The following ROBO2 variants were observed in gnomAD, a reference collection of about 807,000 sequenced individuals.
ROBO2 encodes roundabout homolog 2.
ROBO2 carries 53 observed loss-of-function variants against 160.8 expected under a neutral mutation model. The observed-to-expected ratio is 0.33, with a 90% CI of 0.26 to 0.41. The LOEUF is 0.41. ROBO2 is among the 10% of genes least tolerant of loss of function. ROBO2 has a pLI of 1.00. For synonymous variants in ROBO2, 664 were observed against 611.7 expected (o/e 1.09, Z -1.26); for missense variants, 1,577 against 1,722.4 (o/e 0.92, Z 1.49).
At chr3:76,952,375 C>T (rs902266108) in intron 2 of ROBO2, among the ~76,000 whole-genome samples, 2 of 152,096 alleles carry the variant, frequency 1.3e-5, no homozygotes, top group African/African-American at 2.4e-5. Context: ...CTCCGCCTCC[C>T]GGGTTCAAGT....
intron 2 of ROBO2, among the ~76,000 whole-genome samples, chr3:76,345,355 A>C (rs1378000138): frequency 6.6e-6 from 1 of 151,226 alleles, no homozygotes; most frequent in Non-Finnish European, 1.5e-5. Flanking sequence ...AAAATAGGTG[A>C]GTATGAATGT....
intron 2 of ROBO2, among the ~76,000 whole-genome samples, chr3:76,095,883 A>G (rs976210039): frequency 2.6e-5 from 4 of 152,192 alleles, no homozygotes; most frequent in Admixed American, 6.6e-5. Flanking sequence ...TGTAAAATAT[A>G]TAATACTAAG....
intron 2 of ROBO2, among the ~76,000 whole-genome samples, chr3:76,263,411 C>T (rs1233478637): frequency 6.6e-6 from 1 of 152,170 alleles, no homozygotes; most frequent in South Asian, 2.1e-4. Flanking sequence ...AATGTAGGTA[C>T]AGAGTCTTGC....
At chr3:76,945,052 C>A (rs909897351) in intron 2 of ROBO2, among the ~76,000 whole-genome samples, 4 of 149,928 alleles carry the variant, frequency 2.7e-5, no homozygotes, top group Non-Finnish European at 5.9e-5. Flanking sequence ...CCACGCCCGG[C>A]TAATTTTTTG....
At chr3:77,162,482 A>T (rs1206338439) in intron 2 of ROBO2, among the ~76,000 whole-genome samples, 1 of 152,206 alleles carries the variant, frequency 6.6e-6, no homozygotes, top group East Asian at 1.9e-4. Flanking sequence ...TTTCAGGCAG[A>T]TAAACAACTG....
At chr3:76,070,980 A>G (rs1057397355) in intron 2 of ROBO2, among the ~76,000 whole-genome samples, 1 of 152,158 alleles carries the variant, frequency 6.6e-6, no homozygotes, top group African/African-American at 2.4e-5. Flanking sequence ...ATACTGTCTA[A>G]CCAAGGGTTG....
chr3:77,370,159 G>A (rs1003462247), intron 2 of ROBO2, among the ~76,000 whole-genome samples: 4 of 152,138 alleles, frequency 2.6e-5, no homozygotes, highest in African/African-American at 9.7e-5. Context: ...AAAGGGGAAC[G>A]AAAATTTAAA....
At chr3:76,890,499 G>A (rs893740407) in intron 2 of ROBO2, among the ~76,000 whole-genome samples, 2 of 152,138 alleles carry the variant, frequency 1.3e-5, no homozygotes, top group African/African-American at 2.4e-5. Context: ...CTCAGTAGCT[G>A]TCTGTCCCAG....
intron 2 of ROBO2, among the ~76,000 whole-genome samples, chr3:76,295,720 A>G (rs1709037033): frequency 6.6e-6 from 1 of 152,178 alleles, no homozygotes. Context: ...GATGACTTCT[A>G]TTTGGATTCT....
chr3:77,613,454 T>C (rs1384312160), intron 21 of ROBO2, among the ~76,000 whole-genome samples: 1 of 152,162 alleles, frequency 6.6e-6, no homozygotes, highest in Non-Finnish European at 1.5e-5. Context: ...AAGGACTCTT[T>C]TGTAGTAAGA....
At chr3:76,834,057 C>CTTTCT (rs1190253646) in intron 2 of ROBO2, among the ~76,000 whole-genome samples, 10 of 116,298 alleles carry the variant, frequency 8.6e-5, no homozygotes, top group South Asian at 3.0e-4. Context: ...TCTCTCCTTT[C>CTTTCT]TTTCTTTTCT....
At chr3:77,584,724 C>G (rs1158299297) in intron 16 of ROBO2, among the ~76,000 whole-genome samples, 1 of 151,730 alleles carries the variant, frequency 6.6e-6, no homozygotes, top group Non-Finnish European at 1.5e-5. Context: ...AATTCCTTAA[C>G]CTGAGGGAAA....
rs533936560 is a variant in ROBO2, at chr3:76,661,094, A to T, written c.110-436920A>T. 2.0e-5 allele frequency among the ~76,000 whole-genome samples: 3 copies of T among 152,340 alleles called. No individual in the cohort carries two copies. The South Asian group carries it at 6.2e-4, about 32-fold the overall frequency. Reference sequence around the variant, plus strand: ...GTGAGTAGCTAGACTTTTTTAAACCATAAAAACCACATTATCCATATTATC... The same window carrying T: ...GTGAGTAGCTAGACTTTTTTAAACCTTAAAAACCACATTATCCATATTATC... On this transcript the variant is annotated intron_variant, in intron 2 of 26. Transcript: ENST00000487694.
chr3:76,303,830 G>C (rs1277653564), intron 2 of ROBO2, among the ~76,000 whole-genome samples: 1 of 152,164 alleles, frequency 6.6e-6, no homozygotes, highest in Non-Finnish European at 1.5e-5. Context: ...TGCAGATTCA[G>C]CCTTACCTTT....
chr3:77,528,403 A>T (rs1201355763), intron 6 of ROBO2, among the ~76,000 whole-genome samples: 2 of 151,368 alleles, frequency 1.3e-5, no homozygotes, highest in Non-Finnish European at 3.0e-5. Context: ...CACCTGATAT[A>T]TATGTTGGTT....
At chr3:75,925,613 T>C (rs1158799494) in intron 1 of ROBO2, among the ~76,000 whole-genome samples, 1 of 152,168 alleles carries the variant, frequency 6.6e-6, no homozygotes, top group Admixed American at 6.5e-5. Flanking sequence ...GTTGAAGTTT[T>C]GAGATAGCTT....
intron 2 of ROBO2, among the ~76,000 whole-genome samples, chr3:77,254,487 T>A (rs1034338340): frequency 1.3e-5 from 2 of 151,972 alleles, no homozygotes; most frequent in African/African-American, 4.8e-5. Context: ...TGGACCCCTC[T>A]CCTATGGTGG....
At chr3:76,439,124 T>C (rs1488562108) in intron 2 of ROBO2, among the ~76,000 whole-genome samples, 1 of 152,202 alleles carries the variant, frequency 6.6e-6, no homozygotes, top group Non-Finnish European at 1.5e-5. Context: ...TTACTGTTTA[T>C]TTCACTTATC....
chr3:77,252,831 A>AAAAAAATAT, intron 2 of ROBO2, among the ~76,000 whole-genome samples: 15 of 12,516 alleles, frequency 1.2e-3, no homozygotes, highest in African/African-American at 2.4e-3. Context: ...AAAAAAAAAA[A>AAAAAAATAT]ATATATATAT....
Sources: gnomAD v4.1 joint callset for allele counts (sites outside exome capture counted in the v4.1 genomes callset) on GRCh38, gnomAD v4.1.1 for gene constraint, MANE v1.5 for transcripts, NCBI Gene and HGNC (gene_info 2026-07-23, HGNC 2026-07-21) for gene names.